Variants in SYT12 observed in about 807,000 individuals in gnomAD.
The protein encoded by SYT12 is synaptotagmin-12.
In SYT12, 27 loss-of-function variants were observed where a neutral mutation model predicts 39.5. The ratio of observed to expected loss-of-function variants is 0.68; its 90% CI spans 0.50 to 0.94. SYT12 has a LOEUF of 0.94. Among genes scored for constraint, SYT12 ranks in the 40% least tolerant of loss-of-function variants. SYT12 has a pLI of 0.00. For missense variants in SYT12, 536 were observed against 572.6 expected (o/e 0.94, Z 0.65); for synonymous variants, 233 against 239.7 (o/e 0.97, Z 0.26).
chr11:67,025,859 G>A (rs914746634), intron 1 of SYT12, among the ~76,000 whole-genome samples: 2 of 152,026 alleles, frequency 1.3e-5, no homozygotes, highest in Non-Finnish European at 2.9e-5. Flanking sequence ...TGGGGAAGAC[G>A]GCATGAGGGT....
At chr11:67,030,410 T>A in intron 2 of SYT12, 1 of 520,288 alleles carries the variant, frequency 1.9e-6, no homozygotes, top group Non-Finnish European at 3.4e-6. Context: ...CTTGTTAAAG[T>A]GACTTTCTCT....
chr11:67,034,919 C>T, intron 3 of SYT12, 81 bp downstream of exon 3: 1 of 1,138,114 alleles, frequency 8.8e-7, no homozygotes, highest in Non-Finnish European at 1.2e-6. Flanking sequence ...TTCAGCCCCT[C>T]TCCCTCCGTC....
At chr11:67,036,206 C>T (rs990770764) in intron 3 of SYT12, among the ~76,000 whole-genome samples, 6 of 152,136 alleles carry the variant, frequency 3.9e-5, no homozygotes, top group Admixed American at 1.3e-4. Flanking sequence ...CATGCACTAC[C>T]GTGCCAGGTC....
At chr11:67,032,728 AC>A (rs2136213664) in intron 2 of SYT12, 1 of 152,292 alleles carries the variant, frequency 6.6e-6, no homozygotes, top group Admixed American at 6.5e-5. Flanking sequence ...ATATGGTGGA[AC>A]CCCATCTCTA....
chr11:67,012,269 G>C (rs1950019144), intron 3 of SYT12, among the ~76,000 whole-genome samples: 1 of 152,048 alleles, frequency 6.6e-6, no homozygotes, highest in Admixed American at 6.5e-5. Context: ...TACTGGGGAG[G>C]CTGAGGCAGG....
rs543374477 is a variant in SYT12, at chr11:67,013,089, G to T, written c.-69+2095G>T. On this transcript the variant is annotated intron_variant, in intron 3 of 10. Coordinates refer to the SYT12 transcript ENST00000393946. ...GAAGGAAAGTGGGTATAAGTGGCTT[G>T]AGCCGGATCAATTCAGTGTAATTGA... Among the ~76,000 whole-genome samples the T allele has an allele frequency of 1.7e-3, 266 of 152,334 alleles. 1 individual carries two copies. The highest frequency in any genetic ancestry group is 2.2e-3 in the Non-Finnish European group (153 of 68,038).
At position 67,015,605 on chromosome 11, in the gene SYT12, G is replaced by A. The variant is rs1950051736; in HGVS notation, c.-69+4611G>A. On this transcript the variant is annotated intron_variant, in intron 3 of 10. Coordinates refer to the SYT12 transcript ENST00000393946. ...GTGGGCTGCACATGGCCAGGCCCAG[G>A]GATTTTCGCTGTCCTGGACGTGGAT... 2.0e-5 allele frequency among the ~76,000 whole-genome samples: 3 copies of A among 152,148 alleles called. No individual in the cohort carries two copies. The South Asian group carries it at 6.2e-4, about 32-fold the overall frequency.
chr11:67,025,628 AGGT>A (rs1357625919), intron 1 of SYT12, among the ~76,000 whole-genome samples: 1 of 151,880 alleles, frequency 6.6e-6, no homozygotes, highest in African/African-American at 2.4e-5. Context: ...GAGCCCACTG[AGGT>A]GGTCCCAGGT....
chr11:67,020,193 C>T (rs993102097), upstream of SYT12, among the ~76,000 whole-genome samples: 1 of 152,044 alleles, frequency 6.6e-6, no homozygotes, highest in Admixed American at 6.5e-5. Context: ...GCACAGAAGA[C>T]GGAGGAAGCT....
At chr11:67,008,913 G>A (rs1037479397) in intron 1 of SYT12, among the ~76,000 whole-genome samples, 3 of 152,092 alleles carry the variant, frequency 2.0e-5, no homozygotes, top group Non-Finnish European at 4.4e-5. Context: ...AAGGAACCTT[G>A]GTGATAGAGA....
chr11:67,034,557 C>T (rs1178134674), intron 2 of SYT12, 88 bp from the exon 3 acceptor site: 2 of 1,162,554 alleles, frequency 1.7e-6, no homozygotes. Flanking sequence ...CAATAAATAT[C>T]CATTCAATGT....
chr11:67,044,466 G>A lies in SYT12; in HGVS notation c.838-127G>A, dbSNP rs1297487734. 6 of 1,360,344 alleles carry A rather than the reference G, an allele frequency of 4.4e-6. No individual in the cohort carries two copies. In the Admixed American group the frequency reaches 7.9e-5, roughly 18 times the overall value. The allele number at this position is 1,360,344 out of a possible 1,614,324, so 84.3% of individuals were successfully genotyped here. ...TGCCTGCCTGGAGCCCTGTGGTAAG[G>A]GGCCCCCAGTGCAGCCACTTCTCTA... is the stretch of plus-strand genomic sequence containing the variant. On this transcript the variant is annotated intron_variant, in intron 5 of 7. Transcript: ENST00000527043.
chr11:67,029,136 C>T (rs573967368), intron 1 of SYT12: 1 of 152,218 alleles, frequency 6.6e-6, no homozygotes, highest in Non-Finnish European at 1.5e-5. Flanking sequence ...ACTAATAAAA[C>T]AATGAGCAGT....
At chr11:67,022,637 T>C (rs1436727420), upstream of SYT12, 1 of 152,270 alleles carries the variant, frequency 6.6e-6, no homozygotes, top group Non-Finnish European at 1.5e-5. Flanking sequence ...GTATGGAGTT[T>C]GAAGTCACAC....
chr11:67,013,863 G>A (rs1950032994), intron 3 of SYT12, among the ~76,000 whole-genome samples: 1 of 152,194 alleles, frequency 6.6e-6, no homozygotes, highest in South Asian at 2.1e-4. Flanking sequence ...GGAGGCCAGA[G>A]CCCAGAATCA....
At chr11:67,034,548 A>C in intron 2 of SYT12, 97 bp from the exon 3 acceptor site, 1 of 1,100,918 alleles carries the variant, frequency 9.1e-7, no homozygotes, top group Non-Finnish European at 1.3e-6. Flanking sequence ...GTAGGCATTC[A>C]ATAAATATCC....
chr11:67,039,232 G>C (rs934281051), intron 3 of SYT12, among the ~76,000 whole-genome samples: 1 of 151,120 alleles, frequency 6.6e-6, no homozygotes, highest in Admixed American at 6.6e-5. Flanking sequence ...GAACCTGGGA[G>C]GGGGAGGTTG....
Position 67,039,853 on chromosome 11 carries a change from C to T in SYT12, c.271C>T (p.Pro91Ser), listed in dbSNP as rs750982949. The T allele has an allele frequency of 5.6e-6, 9 of 1,612,834 alleles. No homozygotes were observed. In the South Asian group the frequency reaches 8.8e-5, roughly 16 times the overall value. ...TGCCCAGCGGGCCAGCACGCGGGGA[C>T]CACCCAGCCGCAAAGGCAGTCTCAG... The part of the protein sequence containing the change: ...WNAQRASTRG[P>S]PSRKGSLSIE... Residue 91 changes from proline (P) to serine (S), a missense_variant, in exon 4 of 8, where the codon CCA becomes TCA. Pro to Ser is a moderately conservative substitution (Grantham distance 74). Transcript: ENST00000527043.
At chr11:67,015,878 C>G (rs750664911) in intron 3 of SYT12, among the ~76,000 whole-genome samples, 2 of 152,122 alleles carry the variant, frequency 1.3e-5, no homozygotes, top group Non-Finnish European at 2.9e-5. Context: ...GACTCTGGAT[C>G]TCAGGAGGCT....
Sources: gnomAD v4.1 joint callset for allele counts (sites outside exome capture counted in the v4.1 genomes callset) on GRCh38, gnomAD v4.1.1 for gene constraint, MANE v1.5 for transcripts, NCBI Gene and HGNC (gene_info 2026-07-23, HGNC 2026-07-21) for gene names.